The following RBM4B variants were observed in gnomAD, a reference collection of about 807,000 sequenced individuals.
RBM4B encodes the protein RNA-binding protein 4B.
RBM4B carries 13 observed loss-of-function variants against 28.5 expected under a neutral mutation model. That is an observed-to-expected ratio of 0.46 (90% CI 0.30 to 0.72). The LOEUF is 0.72. Ranked by LOEUF, RBM4B falls within the 30% of genes least tolerant of loss-of-function variation. The pLI, the probability that RBM4B is intolerant of heterozygous loss-of-function variation, is 0.09. For missense variants in RBM4B, 387 were observed against 477.6 expected (o/e 0.81, Z 1.77); for synonymous variants, 167 against 179.1 (o/e 0.93, Z 0.54).
rs568639145 is a variant in RBM4B, at chr11:66,665,104, G to A, written c.*484C>T. On this transcript the variant is annotated 3_prime_UTR_variant, in exon 4 of 4. Transcript: ENST00000310046. ...TAATGCTGTACCACGATCACAGGTC[G>A]GACATAAAAAACAAACAAAACAACA... is the stretch of plus-strand genomic sequence containing the variant. 3.9e-5 allele frequency: 6 copies of A among 155,612 alleles called. No homozygotes were observed. Among genetic ancestry groups the A allele is most frequent in the Non-Finnish European group, 7.1e-5 (5 of 70,486 alleles). The allele number at this position is 155,612 out of a possible 1,614,324, so 9.6% of individuals were successfully genotyped here. A position where few individuals can be genotyped will look rare whatever the true frequency, so the allele number is the denominator to read the frequency against.
intron 2 of RBM4B, among the ~76,000 whole-genome samples, chr11:66,670,075 T>C (rs749350301): frequency 1.3e-5 from 2 of 152,208 alleles, no homozygotes; most frequent in African/African-American, 2.4e-5. Flanking sequence ...ACCACATCAA[T>C]AGTCCGTCCA....
Position 66,674,730 on chromosome 11 carries a change from G to C in RBM4B, c.412+1938C>G, listed in dbSNP as rs184077461. The stretch of plus-strand genomic sequence containing the variant: ...TTACAGGCACACACTACCACGCCTT[G>C]CTAGTTTTCTTGTATTTTTAGTAGA... On this transcript the variant is annotated intron_variant, in intron 2 of 3. Coordinates refer to ENST00000310046, the MANE Select transcript of RBM4B (RefSeq NM_031492.4). Among the ~76,000 whole-genome samples, 1,437 of 151,880 alleles carry C rather than the reference G, an allele frequency of 9.5e-3. 12 individuals carry two copies. Among genetic ancestry groups the C allele is most frequent in the Non-Finnish European group, 0.014 (941 of 67,964 alleles).
intron 2 of RBM4B, among the ~76,000 whole-genome samples, chr11:66,670,653 T>G (rs1939430650): frequency 6.6e-6 from 1 of 152,150 alleles, no homozygotes; most frequent in Non-Finnish European, 1.5e-5. Context: ...AAGACTCTCC[T>G]GGAGATCAAG....
intron 3 of RBM4B, 45 bp downstream of exon 3, chr11:66,668,570 A>G: frequency 6.7e-7 from 1 of 1,486,704 alleles, no homozygotes; most frequent in Non-Finnish European, 9.2e-7. Flanking sequence ...GTCTCTTTCA[A>G]GGGAACTAAA....
In RBM4B at chr11:66,668,964, G is replaced by A. The variant is rs759769612; in HGVS notation, c.740C>T (p.Thr247Ile). The A allele has an allele frequency of 6.8e-6, 11 of 1,614,210 alleles. No individual in the cohort carries two copies. Among genetic ancestry groups the A allele is most frequent in the African/African-American group, 1.3e-5 (1 of 75,050 alleles). The change falls in exon 3 of 4, where the codon ACC (threonine) becomes ATC (isoleucine). Residue 247 changes from threonine (T) to isoleucine (I), a missense_variant. Transcript: ENST00000310046. Reference protein sequence around the residue: ...AASAYNYAEQTMSHLPQVQST... With the variant: ...AASAYNYAEQIMSHLPQVQST... Reference sequence around the variant, plus strand: ...TTGGACTTGAGGCAGATGGGACATGGTCTGCTCTGCGTAGTTGTATGCAGA... The same window carrying A: ...TTGGACTTGAGGCAGATGGGACATGATCTGCTCTGCGTAGTTGTATGCAGA...
At position 66,668,664 on chromosome 11, in the gene RBM4B, C is replaced by T. The variant is rs776274299; in HGVS notation, c.1040G>A (p.Arg347Gln). Residue 347 changes from arginine (R) to glutamine (Q), a missense_variant, in exon 3 of 4, where the codon CGG (arginine) becomes CAG (glutamine). Arg to Gln is a conservative substitution (Grantham distance 43). This residue lies in a region of RBM4B where 226 missense variants were observed against 220.6 expected (regional missense o/e 1.02). Transcript: ENST00000310046. ...CCGGGCTCGGTCCACATACTGCTCC[C>T]GTTCATACCGGGCCATGTCATACAG... ...NSLYDMARYEREQYVDRARYS... is the reference protein window; with the variant it reads ...NSLYDMARYEQEQYVDRARYS... The T allele has an allele frequency of 1.7e-5, 27 of 1,613,524 alleles. No individual in the cohort carries two copies. The highest frequency in any genetic ancestry group is 2.2e-5 in the East Asian group (1 of 44,866).
chr11:66,667,000 A>C (rs1387409205), intron 3 of RBM4B: 2 of 151,960 alleles, frequency 1.3e-5, no homozygotes, highest in Non-Finnish European at 2.9e-5. Context: ...CCTGGGCTCA[A>C]GGGATCCTCC....
intron 2 of RBM4B, among the ~76,000 whole-genome samples, chr11:66,670,603 A>G (rs12577111): frequency 0.43 from 65,400 of 151,940 alleles, 15,962 homozygotes; most frequent in South Asian, 0.6. Context: ...GCAGTTAAAG[A>G]AAAGGAGTAT....
In RBM4B at chr11:66,669,029, C is replaced by A; in HGVS notation, c.675G>T (p.Arg225=). 6.2e-7 allele frequency: 1 copy of A among 1,614,168 alleles called. No homozygotes were observed. Among genetic ancestry groups the A allele is most frequent in the Non-Finnish European group, 8.5e-7 (1 of 1,180,036 alleles). The part of the protein sequence containing the change: ...YGALDYYKRY[R]VRSYEAVAAA... ...CTGCTACTGCCTCATAAGAGCGGAC[C>A]CGGTATCGCTTATAGTAGTCGAGTG... Residue 225 remains arginine, a synonymous_variant, in exon 3 of 4, where the codon CGG becomes CGT. Transcript: ENST00000310046.
chr11:66,677,444 G>A (rs1467911136), intron 1 of RBM4B: 1 of 306,782 alleles, frequency 3.3e-6, no homozygotes, highest in Non-Finnish European at 6.1e-6. Flanking sequence ...CAAGGTTTTG[G>A]AGGGAAATCT....
At chr11:66,677,303 A>G in intron 1 of RBM4B, 2 of 609,018 alleles carry the variant, frequency 3.3e-6, no homozygotes, top group South Asian at 4.2e-5. Context: ...GTCAGCATGC[A>G]TAGCCCAGTC....
chr11:66,672,028 G>C (rs1452973016), intron 2 of RBM4B, among the ~76,000 whole-genome samples: 1 of 151,942 alleles, frequency 6.6e-6, no homozygotes, highest in East Asian at 1.9e-4. Flanking sequence ...GATTACAGGC[G>C]TGACCACTGC....
At position 66,665,574 on chromosome 11, in the gene RBM4B, C is replaced by A; in HGVS notation, c.*14G>T. 6.5e-7 allele frequency: 1 copy of A among 1,535,768 alleles called. No homozygotes were observed. Among genetic ancestry groups the A allele is most frequent in the Non-Finnish European group, 8.7e-7 (1 of 1,146,648 alleles). ...GCCCGAGGGTTCAGTCCGCAATTATCCTACCTGAAAGAGAGCACAACACAA... is the reference window on the plus strand; with the variant it reads ...GCCCGAGGGTTCAGTCCGCAATTATACTACCTGAAAGAGAGCACAACACAA... On this transcript the variant is annotated 3_prime_UTR_variant, in exon 4 of 4. Coordinates refer to ENST00000310046, the MANE Select transcript of RBM4B (RefSeq NM_031492.4).
In RBM4B at chr11:66,668,610, C is replaced by T. The variant is rs1298025624; in HGVS notation, c.*9+5G>A. On this transcript the variant is annotated splice_donor_5th_base_variant and intron_variant, in intron 3 of 3. Transcript: ENST00000310046. ...ATCTTTTAACCATTCCCACCCATCTCTCACCTCCAGTTTTTAAAAGGCTGA... is the reference window on the plus strand; with the variant it reads ...ATCTTTTAACCATTCCCACCCATCTTTCACCTCCAGTTTTTAAAAGGCTGA... 2 of 1,587,416 alleles carry T rather than the reference C, an allele frequency of 1.3e-6. No homozygotes were observed. Among genetic ancestry groups the T allele is most frequent in the South Asian group, 2.2e-5 (2 of 88,904 alleles).
chr11:66,669,888 A>G lies in RBM4B; in HGVS notation c.413-597T>C, dbSNP rs1258879024. On this transcript the variant is annotated intron_variant, in intron 2 of 3. Transcript: ENST00000310046. Reference sequence around the variant, plus strand: ...TTTCCTTTTTCCCCTTATACACAACAATTGGAAAAGTTTCCACTTCTCACT... The same window carrying G: ...TTTCCTTTTTCCCCTTATACACAACGATTGGAAAAGTTTCCACTTCTCACT... Among the ~76,000 whole-genome samples the G allele has an allele frequency of 2.6e-5, 4 of 152,240 alleles. 1 individual carries two copies. In the South Asian group the frequency reaches 6.2e-4, roughly 24 times the overall value.
Position 66,669,218 on chromosome 11 carries a change from G to T in RBM4B, c.486C>A (p.Cys162Ter). 1 of 1,613,192 alleles carries T rather than the reference G, an allele frequency of 6.2e-7. No homozygotes were observed. The change falls in exon 3 of 4, where the codon TGC (cysteine) becomes TGA (stop). Residue 162 changes from cysteine (C) to a stop codon, truncating the protein, a stop_gained. Coordinates refer to ENST00000310046, the MANE Select transcript of RBM4B (RefSeq NM_031492.4). LOFTEE classifies it high-confidence loss of function. Reference protein sequence around the residue: ...TAPGMGDQSGCYRCGKEGHWS... With the variant: ...TAPGMGDQSG The stretch of plus-strand genomic sequence containing the variant: ...AGTGCCCTTCTTTCCCACACCGATA[G>T]CAGCCACTCTGGTCTCCCATACCAG...
chr11:66,673,176 A>G (rs1183455056), intron 2 of RBM4B, among the ~76,000 whole-genome samples: 3 of 151,802 alleles, frequency 2.0e-5, no homozygotes, highest in Non-Finnish European at 2.9e-5. Flanking sequence ...GCTTGTTTAC[A>G]TATAGGGAAA....
chr11:66,667,751 T>C (rs1939295107), intron 3 of RBM4B: 1 of 151,938 alleles, frequency 6.6e-6, no homozygotes, highest in Admixed American at 6.6e-5. Context: ...TTGCCCAGGC[T>C]GGAATACAGT....
intron 2 of RBM4B, chr11:66,670,865 C>G: frequency 1.4e-6 from 1 of 699,970 alleles, no homozygotes; most frequent in Non-Finnish European, 2.6e-6. Flanking sequence ...CAGGGCTTCT[C>G]ATTACTCTTA....
Sources: gnomAD v4.1 joint callset for allele counts (sites outside exome capture counted in the v4.1 genomes callset) on GRCh38, gnomAD v4.1.1 for gene constraint, gnomAD v4.1.1 regional missense constraint, MANE v1.5 for transcripts, NCBI Gene and HGNC (gene_info 2026-07-23, HGNC 2026-07-21) for gene names.